The following CELF5 variants were observed in gnomAD, a reference collection of about 807,000 sequenced individuals.
CELF5 encodes CUG-BP and ETR-3 like factor 5.
CELF5 carries 6 observed loss-of-function variants against 54.9 expected under a neutral mutation model. That is an observed-to-expected ratio of 0.11 (90% CI 0.06 to 0.22). The LOEUF (loss-of-function observed/expected upper bound fraction) is 0.22. Ranked by LOEUF, CELF5 falls within the 10% of genes least tolerant of loss-of-function variation. The pLI is 1.00. For synonymous variants in CELF5, 271 were observed against 290.9 expected, an observed-to-expected ratio of 0.93 and a Z score of 0.70; for missense variants, 401 against 678.6, an observed-to-expected ratio of 0.59 and a Z score of 4.54.
chr19:3,226,785 C>A, intron 1 of CELF5, among the ~76,000 whole-genome samples: 1 of 146,110 alleles, frequency 6.8e-6, no homozygotes. Flanking sequence ...TTTTTTCCTT[C>A]TTATTTTTAA....
In CELF5 at chr19:3,285,064, A is replaced by G. The variant is rs1354323815; in HGVS notation, c.1102+100A>G. On this transcript the variant is annotated intron_variant, in intron 9 of 12. Coordinates refer to ENST00000292672, the MANE Select transcript of CELF5 (RefSeq NM_021938.4). ...CCGGACGTGTCGTTCTTCTGTGCCT[A>G]GCCGCGCCTCCTACCTCTGGCCCCG... 5.5e-6 allele frequency: 5 copies of G among 903,138 alleles called. No individual in the cohort carries two copies. The African/African-American group carries it at 8.6e-5, about 15-fold the overall frequency. The allele number at this position is 903,138 out of a possible 1,614,324, so 55.9% of individuals were successfully genotyped here. A position where few individuals can be genotyped will look rare whatever the true frequency, so the allele number is the denominator to read the frequency against.
rs2079916451 is a variant in CELF5 at position 3,268,684 on chromosome 19, C to T, written c.343-5188C>T. On this transcript the variant is annotated intron_variant, in intron 2 of 12. Coordinates refer to ENST00000292672, the MANE Select transcript of CELF5 (RefSeq NM_021938.4). The surrounding 1 kb of genome is among the most constrained non-coding windows in gnomAD (Gnocchi z 4.4). ...GGTGGGGAACGGAGGGTCACAAAGC[C>T]CAGTGCCCTTGTGCCCCTGCCTCCC... Among the ~76,000 whole-genome samples, 1 of 152,140 alleles carries T rather than the reference C, an allele frequency of 6.6e-6. No homozygotes were observed. Among genetic ancestry groups the T allele is most frequent in the African/African-American group, 2.4e-5 (1 of 41,428 alleles).
intron 1 of CELF5, among the ~76,000 whole-genome samples, chr19:3,230,471 A>G (rs772841012): frequency 6.6e-6 from 1 of 152,222 alleles, no homozygotes; most frequent in African/African-American, 2.4e-5. Flanking sequence ...TGGATCTATG[A>G]AGGCCTGGAG....
chr19:3,290,520 C>A, intron 11 of CELF5, 146 bp downstream of exon 11: 1 of 783,652 alleles, frequency 1.3e-6, no homozygotes, highest in East Asian at 2.6e-5. Flanking sequence ...CACAGTGGAT[C>A]ACGCCTGTGA....
At chr19:3,242,390 G>T (rs757383525) in intron 1 of CELF5, among the ~76,000 whole-genome samples, 2 of 152,018 alleles carry the variant, frequency 1.3e-5, no homozygotes, top group Non-Finnish European at 2.9e-5. Context: ...CAAAAAATTG[G>T]CTGGGTGCAG....
chr19:3,252,699 C>T (rs1359408420), intron 2 of CELF5, among the ~76,000 whole-genome samples: 4 of 152,012 alleles, frequency 2.6e-5, no homozygotes, highest in Admixed American at 2.0e-4. Flanking sequence ...TGGGGGTGGC[C>T]TCTGCTTGGT....
At chr19:3,293,270 C>A in intron 11 of CELF5, 49 bp from the exon 12 acceptor site, 1 of 1,607,514 alleles carries the variant, frequency 6.2e-7, no homozygotes. Flanking sequence ...AGGAACAAGC[C>A]GAGGACACCC....
intron 2 of CELF5, among the ~76,000 whole-genome samples, chr19:3,260,868 C>T (rs755405480): frequency 6.6e-5 from 10 of 151,496 alleles, no homozygotes; most frequent in East Asian, 2.0e-4. Context: ...GTGATCTGCC[C>T]GCCTCGGCCT....
At chr19:3,234,853 G>A (rs544010401) in intron 1 of CELF5, among the ~76,000 whole-genome samples, 23 of 152,142 alleles carry the variant, frequency 1.5e-4, no homozygotes, top group Non-Finnish European at 2.9e-4. Context: ...ACCTGGACCA[G>A]TGCAGTCCCT....
intron 4 of CELF5, 111 bp from the exon 5 acceptor site, chr19:3,277,920 C>A: frequency 1.3e-6 from 1 of 745,212 alleles, no homozygotes; most frequent in East Asian, 2.7e-5. Context: ...TCTCTGGCTG[C>A]ATGTGTCTGA....
At chr19:3,233,534 A>C (rs1917370689) in intron 1 of CELF5, among the ~76,000 whole-genome samples, 2 of 152,126 alleles carry the variant, frequency 1.3e-5, no homozygotes, top group Non-Finnish European at 1.5e-5. Flanking sequence ...ACGAGACCTG[A>C]ATGACAGATG....
chr19:3,240,105 T>A (rs1815642898), intron 1 of CELF5, among the ~76,000 whole-genome samples: 1 of 151,612 alleles, frequency 6.6e-6, no homozygotes, highest in Non-Finnish European at 1.5e-5. Context: ...ACCTCCCAAG[T>A]TCAAGTGATT....
At chr19:3,265,691 C>T (rs775733247) in intron 2 of CELF5, among the ~76,000 whole-genome samples, 1 of 152,194 alleles carries the variant, frequency 6.6e-6, no homozygotes, top group Non-Finnish European at 1.5e-5. Flanking sequence ...GTGAATCATC[C>T]ATCCCTTGTT....
At chr19:3,243,971 G>GT (rs1206573520) in intron 1 of CELF5, among the ~76,000 whole-genome samples, 2 of 151,918 alleles carry the variant, frequency 1.3e-5, no homozygotes, top group African/African-American at 4.8e-5. Flanking sequence ...CAATGACCCC[G>GT]TTTCCAAATA....
At chr19:3,267,400 A>C (rs1055702647) in intron 2 of CELF5, among the ~76,000 whole-genome samples, 1 of 152,230 alleles carries the variant, frequency 6.6e-6, no homozygotes, top group Non-Finnish European at 1.5e-5. Context: ...GAATCCCAGA[A>C]TAGATCCTGG....
At chr19:3,248,006 C>A (rs2079591483) in intron 1 of CELF5, among the ~76,000 whole-genome samples, 1 of 152,090 alleles carries the variant, frequency 6.6e-6, no homozygotes, top group Non-Finnish European at 1.5e-5. Flanking sequence ...CTCAGATGAT[C>A]CACCGGCCTC....
rs1916785707 is a variant in CELF5, at chr19:3,224,696, C to A, written c.-44C>A. ...GCCGCCGCTCCAGCTGCGAGTCCGCCCGCCGCCCGCCGCCGCCGCCGCCGG... is the reference window on the plus strand; with the variant it reads ...GCCGCCGCTCCAGCTGCGAGTCCGCACGCCGCCCGCCGCCGCCGCCGCCGG... On this transcript the variant is annotated 5_prime_UTR_variant, in exon 1 of 13. Transcript: ENST00000292672. 1 of 999,066 alleles carries A rather than the reference C, an allele frequency of 1.0e-6. No individual in the cohort carries two copies. Among genetic ancestry groups the A allele is most frequent in the African/African-American group, 1.8e-5 (1 of 56,910 alleles). The allele number at this position is 999,066 out of a possible 1,614,324, so 61.9% of individuals were successfully genotyped here.
At chr19:3,286,056 A>G (rs1370513194) in intron 10 of CELF5, 31 bp downstream of exon 10, 5 of 1,504,550 alleles carry the variant, frequency 3.3e-6, no homozygotes, top group Non-Finnish European at 3.5e-6. Context: ...CCTGGGCGCC[A>G]GCCCCGCCCT....
At chr19:3,248,295 A>G (rs2079594806) in intron 1 of CELF5, among the ~76,000 whole-genome samples, 1 of 152,118 alleles carries the variant, frequency 6.6e-6, no homozygotes, top group Non-Finnish European at 1.5e-5. Context: ...TGCTGGGATG[A>G]CAGGCGAGAG....
Sources: allele counts gnomAD v4.1 joint callset (sites outside exome capture counted in the v4.1 genomes callset), GRCh38; gene constraint gnomAD v4.1.1; non-coding constraint Gnocchi (gnomAD v3.1); transcripts MANE v1.5; gene names NCBI Gene and HGNC (gene_info 2026-07-23, HGNC 2026-07-21).